Variants in GASK1A observed in about 807,000 individuals in gnomAD.
GASK1A encodes golgi associated kinase 1A, also known as Golgi-associated kinase 1A.
A neutral mutation model predicts 41.2 loss-of-function variants in GASK1A; 40 were observed. The ratio of observed to expected loss-of-function variants is 0.97; its 90% CI spans 0.75 to 1.27. The LOEUF (loss-of-function observed/expected upper bound fraction) is 1.27, where lower values mean the gene tolerates loss of function less well. Ranked by LOEUF, GASK1A falls within the 50% of genes most tolerant of loss-of-function variation. The pLI is 0.00. For synonymous variants in GASK1A, 316 were observed against 307.1 expected, an observed-to-expected ratio of 1.03 and a Z score of -0.30; for missense variants, 678 against 745.1, an observed-to-expected ratio of 0.91 and a Z score of 1.05.
At chr3:42,997,436 GA>G (rs5848641) in intron 1 of GASK1A, among the ~76,000 whole-genome samples, 31,630 of 109,446 alleles carry the variant, frequency 0.29, 3,885 homozygotes, top group East Asian at 0.53. Flanking sequence ...GAGACAGAGA[GA>G]GGGGGGGGGG....
At chr3:43,020,826 C>T (rs2089518408) in intron 1 of GASK1A, among the ~76,000 whole-genome samples, 1 of 152,220 alleles carries the variant, frequency 6.6e-6, no homozygotes, top group African/African-American at 2.4e-5. Flanking sequence ...CACACAAACA[C>T]ATTTAAAGCC....
intron 1 of GASK1A, among the ~76,000 whole-genome samples, chr3:43,020,950 T>C (rs992266709): frequency 6.6e-6 from 1 of 152,214 alleles, no homozygotes; most frequent in East Asian, 1.9e-4. Context: ...AGTGCAACCA[T>C]GGTAAGGTGG....
chr3:42,981,054 C>T (rs1411919120), intron 1 of GASK1A, among the ~76,000 whole-genome samples: 1 of 152,180 alleles, frequency 6.6e-6, no homozygotes, highest in Non-Finnish European at 1.5e-5. Context: ...CTGCCTTCTG[C>T]TCAGGCTGCC....
At chr3:43,005,838 T>TG (rs2089433140) in intron 1 of GASK1A, among the ~76,000 whole-genome samples, 1 of 152,228 alleles carries the variant, frequency 6.6e-6, no homozygotes, top group South Asian at 2.1e-4. Context: ...AAGTGTGTGA[T>TG]AAGTGCTTCA....
intron 1 of GASK1A, among the ~76,000 whole-genome samples, chr3:42,983,203 C>T (rs886556168): frequency 3.9e-5 from 6 of 152,086 alleles, no homozygotes; most frequent in African/African-American, 1.4e-4. Flanking sequence ...TTGCTCTGAA[C>T]CTTAGCCCCT....
At chr3:43,028,008 T>C (rs2089554043) in intron 1 of GASK1A, among the ~76,000 whole-genome samples, 2 of 152,154 alleles carry the variant, frequency 1.3e-5, no homozygotes, top group Non-Finnish European at 1.5e-5. Context: ...GAAGCAGGGG[T>C]TCCTGGGTCA....
At chr3:43,003,320 CTG>C (rs1477363531) in intron 1 of GASK1A, among the ~76,000 whole-genome samples, 2 of 152,076 alleles carry the variant, frequency 1.3e-5, no homozygotes, top group African/African-American at 4.8e-5. Context: ...CATGGCAAAA[CTG>C]TGTCTCTACT....
Position 43,010,396 on chromosome 3 carries a change from C to T in GASK1A, c.4-21871C>T, listed in dbSNP as rs180734069. On this transcript the variant is annotated intron_variant, in intron 1 of 4. Coordinates refer to ENST00000430121, the MANE Select transcript of GASK1A (RefSeq NM_001129908.3). ...AGTTCTTGAGGCTTTCTCAAATCCC[C>T]GAATTTGAGAAACACCATTATAGCA... 7.2e-4 allele frequency among the ~76,000 whole-genome samples: 110 copies of T among 152,240 alleles called. 1 individual carries two copies. The highest frequency in any genetic ancestry group is 4.6e-3 in the Admixed American group (70 of 15,300).
intron 1 of GASK1A, among the ~76,000 whole-genome samples, chr3:43,010,217 A>G (rs1233432866): frequency 6.6e-6 from 1 of 152,076 alleles, no homozygotes; most frequent in East Asian, 1.9e-4. Flanking sequence ...ATATATAGCA[A>G]CTCAGTACCT....
intron 1 of GASK1A, among the ~76,000 whole-genome samples, chr3:42,996,951 C>T (rs1453061372): frequency 6.6e-6 from 1 of 152,226 alleles, no homozygotes; most frequent in East Asian, 1.9e-4. Flanking sequence ...ACAAGTAGGT[C>T]ACTCTGTCCC....
At position 43,033,116 on chromosome 3, in the gene GASK1A, G is replaced by A. The variant is rs761834645; in HGVS notation, c.853G>A (p.Ala285Thr). ...GEVVDKARVPAHGQVLQVGFS... is the reference protein window; with the variant it reads ...GEVVDKARVPTHGQVLQVGFS... ...GGTGGTGGACAAAGCCAGGGTCCCCGCCCATGGGCAGGTGCTACAGGTTGG... is the reference window on the plus strand; with the variant it reads ...GGTGGTGGACAAAGCCAGGGTCCCCACCCATGGGCAGGTGCTACAGGTTGG... The change falls in exon 2 of 5, where the codon GCC becomes ACC. Residue 285 changes from alanine to threonine, a missense_variant. Physicochemically the swap from Ala to Thr is moderately conservative, Grantham distance 58 (BLOSUM62 0). Coordinates refer to ENST00000430121, the MANE Select transcript of GASK1A (RefSeq NM_001129908.3). 32 of 1,550,992 alleles carry A rather than the reference G, an allele frequency of 2.1e-5. No homozygotes were observed. Among genetic ancestry groups the A allele is most frequent in the South Asian group, 2.0e-4 (17 of 84,034 alleles).
In GASK1A at chr3:43,055,525, G is replaced by C; in HGVS notation, c.1507G>C (p.Gly503Arg). Residue 503 changes from glycine (G) to arginine (R), a missense_variant, in exon 4 of 5, where the codon GGC becomes CGC. Transcript: ENST00000430121. ...CAAGCTGAACTTTCGGCTGCTGGAG[G>C]GCATAGATGGGTGAGGGTCAAAAGG... ...EDKLNFRLLE[G>R]IDGFPESAVK... The C allele has an allele frequency of 6.4e-7, 1 of 1,551,636 alleles. No homozygotes were observed. The highest frequency in any genetic ancestry group is 8.7e-7 in the Non-Finnish European group (1 of 1,146,716).
At chr3:42,985,860 C>T (rs777781778) in intron 1 of GASK1A, among the ~76,000 whole-genome samples, 1 of 152,096 alleles carries the variant, frequency 6.6e-6, no homozygotes, top group Non-Finnish European at 1.5e-5. Flanking sequence ...AAGTATTGGT[C>T]AGGATGCCAG....
intron 1 of GASK1A, among the ~76,000 whole-genome samples, chr3:42,987,821 A>T (rs956168945): frequency 8.3e-4 from 126 of 151,994 alleles, no homozygotes; most frequent in Non-Finnish European, 1.5e-3. Context: ...CAACATGGTG[A>T]AACCCCATCT....
intron 1 of GASK1A, among the ~76,000 whole-genome samples, chr3:43,009,097 G>A (rs1643553703): frequency 6.6e-6 from 1 of 152,158 alleles, no homozygotes; most frequent in African/African-American, 2.4e-5. Context: ...CTCTTTGAGG[G>A]AGGAACCATT....
chr3:43,001,185 C>T (rs540728118), intron 1 of GASK1A, among the ~76,000 whole-genome samples: 3 of 152,282 alleles, frequency 2.0e-5, no homozygotes, highest in African/African-American at 4.8e-5. Context: ...CTGAGCAGGG[C>T]GCAGACATTG....
chr3:43,053,587 G>T lies in GASK1A; in HGVS notation c.1357G>T (p.Glu453Ter), dbSNP rs1314223434. 1.9e-6 allele frequency: 3 copies of T among 1,551,740 alleles called. No individual in the cohort carries two copies. In the South Asian group the frequency reaches 3.6e-5, roughly 18 times the overall value. The change falls in exon 3 of 5, where the codon GAG (glutamate) becomes TAG (stop). Residue 453 changes from glutamate (E) to a stop codon, truncating the protein, a stop_gained. Transcript: ENST00000430121. LOFTEE classifies it high-confidence loss of function. Reference sequence around the variant, plus strand: ...TGAGCCCTCAGACCCCTGTGTGGAAGAGAGGCTCCGAGAGAAATGCCAGAA... The same window carrying T: ...TGAGCCCTCAGACCCCTGTGTGGAATAGAGGCTCCGAGAGAAATGCCAGAA... ...EPEPSDPCVE[E>*]RLREKCQNPA... is the part of the protein sequence containing the mutation.
intron 2 of GASK1A, among the ~76,000 whole-genome samples, chr3:43,037,754 G>A (rs191363829): frequency 5.9e-5 from 9 of 152,280 alleles, no homozygotes; most frequent in Admixed American, 3.9e-4. Context: ...CTATAGTTGT[G>A]TTTCTTGAAG....
chr3:43,005,734 A>G (rs1425326254), intron 1 of GASK1A, among the ~76,000 whole-genome samples: 1 of 152,222 alleles, frequency 6.6e-6, no homozygotes, highest in East Asian at 1.9e-4. Context: ...TGCAGTAAGA[A>G]TGAATCTGCT....
Sources: gnomAD v4.1 joint callset for allele counts (sites outside exome capture counted in the v4.1 genomes callset) on GRCh38, gnomAD v4.1.1 for gene constraint, MANE v1.5 for transcripts, NCBI Gene and HGNC (gene_info 2026-07-23, HGNC 2026-07-21) for gene names.